Variants in PACS1 observed in about 807,000 individuals in gnomAD.
PACS1 encodes phosphofurin acidic cluster sorting protein 1, also known as PACS-1.
PACS1 carries 24 observed loss-of-function variants against 115.0 expected under a neutral mutation model. The observed-to-expected ratio is 0.21, with a 90% CI of 0.15 to 0.29. The LOEUF (loss-of-function observed/expected upper bound fraction) is 0.29. Ranked by LOEUF, PACS1 falls within the 10% of genes least tolerant of loss-of-function variation. The pLI is 1.00. For synonymous variants in PACS1, 453 were observed against 504.5 expected (o/e 0.90, Z 1.37); for missense variants, 838 against 1,251.2 (o/e 0.67, Z 4.98).
intron 1 of PACS1, among the ~76,000 whole-genome samples, chr11:66,079,638 A>T (rs933522998): frequency 6.6e-6 from 1 of 152,110 alleles, no homozygotes. Context: ...CACCCCCTCT[A>T]TAATCTTCCA....
chr11:66,107,543 A>AG (rs1858078151), intron 1 of PACS1, among the ~76,000 whole-genome samples: 1 of 152,216 alleles, frequency 6.6e-6, no homozygotes, highest in Non-Finnish European at 1.5e-5. Context: ...TGGTTAGATT[A>AG]GGGTCAACCA....
chr11:66,178,721 A>T (rs1859935291), intron 1 of PACS1, among the ~76,000 whole-genome samples: 1 of 152,130 alleles, frequency 6.6e-6, no homozygotes, highest in Admixed American at 6.5e-5. Flanking sequence ...TTTTTTTCAG[A>T]TCTCTTTACT....
chr11:66,106,425 A>G (rs1245250412), intron 1 of PACS1, among the ~76,000 whole-genome samples: 1 of 152,110 alleles, frequency 6.6e-6, no homozygotes, highest in African/African-American at 2.4e-5. Flanking sequence ...TACAAAAATT[A>G]GCCGGGCGTG....
intron 1 of PACS1, among the ~76,000 whole-genome samples, chr11:66,072,584 T>C (rs755236221): frequency 2.6e-5 from 4 of 152,198 alleles, no homozygotes; most frequent in Non-Finnish European, 5.9e-5. Context: ...TAGTTTGCTG[T>C]GGCCAGATCC....
chr11:66,154,920 T>C (rs1158894031), intron 1 of PACS1, among the ~76,000 whole-genome samples: 1 of 152,150 alleles, frequency 6.6e-6, no homozygotes. Context: ...CGCAAGGCTG[T>C]GATACTGGCA....
At chr11:66,089,865 G>A (rs1414877390) in intron 1 of PACS1, among the ~76,000 whole-genome samples, 1 of 152,000 alleles carries the variant, frequency 6.6e-6, no homozygotes, top group Admixed American at 6.6e-5. Context: ...AATTAGCTGG[G>A]TGTGGTGGCG....
Position 66,070,582 on chromosome 11 carries a change from G to A in PACS1, c.96G>A (p.Pro32=), listed in dbSNP as rs1234962005. 2 of 1,494,850 alleles carry A rather than the reference G, an allele frequency of 1.3e-6. No homozygotes were observed. Among genetic ancestry groups the A allele is most frequent in the Admixed American group, 2.2e-5 (1 of 46,370 alleles). The allele number at this position is 1,494,850 out of a possible 1,614,324, so 92.6% of individuals were successfully genotyped here. The change falls in exon 1 of 24, where the codon CCG becomes CCA. Residue 32 remains proline (P), a synonymous_variant. Coordinates refer to ENST00000320580, the MANE Select transcript of PACS1 (RefSeq NM_018026.4). The surrounding 1 kb of genome is among the most constrained non-coding windows in gnomAD (Gnocchi z 5.9). ...GSGVAQSPQQ[P]PPQQQQQQPP... is the part of the protein sequence containing the mutation. ...GGGTCGCCCAGTCCCCTCAGCAGCC[G>A]CCGCCGCAGCAGCAGCAGCAGCAGC...
chr11:66,117,425 A>G (rs994967420), intron 1 of PACS1, among the ~76,000 whole-genome samples: 22 of 148,476 alleles, frequency 1.5e-4, no homozygotes, highest in African/African-American at 5.0e-4. Context: ...GCACCACTGC[A>G]CTCTAGACTG....
At position 66,120,493 on chromosome 11, in the gene PACS1, A is replaced by G. The variant is rs1238548972; in HGVS notation, c.356+49651A>G. 3.9e-5 allele frequency among the ~76,000 whole-genome samples: 6 copies of G among 152,340 alleles called. No individual in the cohort carries two copies. In the East Asian group the frequency reaches 1.2e-3, roughly 29 times the overall value. On this transcript the variant is annotated intron_variant, in intron 1 of 23. Coordinates refer to ENST00000320580, the MANE Select transcript of PACS1 (RefSeq NM_018026.4). ...TGAAAGAGATATGACGTTCCTTTAA[A>G]AGCCAGCTTTTCTACTAGAATCAAC...
At chr11:66,182,199 G>A (rs1860026416) in intron 1 of PACS1, among the ~76,000 whole-genome samples, 1 of 152,168 alleles carries the variant, frequency 6.6e-6, no homozygotes, top group South Asian at 2.1e-4. Context: ...GTCATACATT[G>A]TGTTGGTCTG....
chr11:66,139,353 G>A (rs1190368117), intron 1 of PACS1, among the ~76,000 whole-genome samples: 1 of 151,978 alleles, frequency 6.6e-6, no homozygotes, highest in Non-Finnish European at 1.5e-5. Flanking sequence ...ATACTTTTTA[G>A]TTACTTTAAA....
intron 10 of PACS1, among the ~76,000 whole-genome samples, chr11:66,226,359 G>A: frequency 6.6e-6 from 1 of 152,188 alleles, no homozygotes; most frequent in Non-Finnish European, 1.5e-5. Flanking sequence ...CCTGGAGCAG[G>A]GGTTCTCAAC....
At chr11:66,092,844 G>A (rs1189936081) in intron 1 of PACS1, among the ~76,000 whole-genome samples, 14 of 152,206 alleles carry the variant, frequency 9.2e-5, no homozygotes, top group South Asian at 6.2e-4. Context: ...GATATGCGGC[G>A]TTATTTCTGA....
intron 2 of PACS1, among the ~76,000 whole-genome samples, chr11:66,201,385 A>G (rs1440103132): frequency 6.6e-6 from 1 of 152,224 alleles, no homozygotes; most frequent in East Asian, 1.9e-4. Context: ...GGAAAATTGA[A>G]ATTTTCTTGA....
intron 1 of PACS1, among the ~76,000 whole-genome samples, chr11:66,185,308 A>T (rs1414901117): frequency 6.6e-6 from 1 of 152,204 alleles, no homozygotes; most frequent in Non-Finnish European, 1.5e-5. Context: ...ATTATTTCTC[A>T]GCTGAGTAAC....
Position 66,235,368 on chromosome 11 carries a change from C to T in PACS1, c.2172C>T (p.Pro724=), listed in dbSNP as rs768127502. The T allele has an allele frequency of 1.6e-5, 26 of 1,613,968 alleles. No individual in the cohort carries two copies. In the East Asian group the frequency reaches 2.2e-4, roughly 14 times the overall value. Reference sequence around the variant, plus strand: ...GGGCAGCCACGACACACCAGCTTCCCGTGGCCGAAGCCATGCTGACTTGCC... The same window carrying T: ...GGGCAGCCACGACACACCAGCTTCCTGTGGCCGAAGCCATGCTGACTTGCC... The part of the protein sequence containing the change: ...VNGAATTHQL[P]VAEAMLTCRH... Residue 724 remains proline, a synonymous_variant, in exon 18 of 24, where the codon CCC becomes CCT. Transcript: ENST00000320580. The surrounding 1 kb of genome is among the most constrained non-coding windows in gnomAD (Gnocchi z 5.6).
chr11:66,107,307 A>G (rs1858072277), intron 1 of PACS1, among the ~76,000 whole-genome samples: 1 of 151,780 alleles, frequency 6.6e-6, no homozygotes, highest in Non-Finnish European at 1.5e-5. Context: ...CTCCTCCTCA[A>G]AGTGTTTGCT....
At chr11:66,099,957 T>C (rs1333264117) in intron 1 of PACS1, among the ~76,000 whole-genome samples, 2 of 152,176 alleles carry the variant, frequency 1.3e-5, no homozygotes, top group African/African-American at 4.8e-5. Flanking sequence ...CTCGGCTCAC[T>C]GCAACCTCCG....
intron 1 of PACS1, among the ~76,000 whole-genome samples, chr11:66,119,735 G>A (rs960308166): frequency 1.3e-5 from 2 of 152,210 alleles, no homozygotes; most frequent in African/African-American, 4.8e-5. Context: ...AGGGTATCTG[G>A]TGTGAGTCAG....
Sources: allele counts gnomAD v4.1 joint callset (sites outside exome capture counted in the v4.1 genomes callset), GRCh38; gene constraint gnomAD v4.1.1; non-coding constraint Gnocchi (gnomAD v3.1); transcripts MANE v1.5; gene names NCBI Gene and HGNC (gene_info 2026-07-23, HGNC 2026-07-21).